CDC42BPB: variants seen among roughly 807,000 people sequenced by gnomAD.
CDC42BPB encodes the protein CDC42 binding protein kinase beta.
CDC42BPB carries 37 observed loss-of-function variants against 214.9 expected under a neutral mutation model. The observed-to-expected ratio is 0.17, with a 90% CI of 0.13 to 0.23. The LOEUF (loss-of-function observed/expected upper bound fraction) is 0.23. Among genes scored for constraint, CDC42BPB ranks in the 10% least tolerant of loss-of-function variants. The probability of loss-of-function intolerance (pLI) is 1.00; values close to 1 mark genes in which losing one functional copy is unlikely to be tolerated. For synonymous variants in CDC42BPB, 931 were observed against 884.0 expected (o/e 1.05, Z -0.94); for missense variants, 1,694 against 2,227.0 (o/e 0.76, Z 4.82).
intron 7 of CDC42BPB, among the ~76,000 whole-genome samples, chr14:102,981,685 G>A (rs932283553): frequency 1.3e-5 from 2 of 152,164 alleles, no homozygotes; most frequent in African/African-American, 2.4e-5. Context: ...GCTGAGGCAC[G>A]AGAATCGCTT....
At chr14:103,034,280 C>T (rs993705620) in intron 1 of CDC42BPB, among the ~76,000 whole-genome samples, 2 of 152,102 alleles carry the variant, frequency 1.3e-5, no homozygotes, top group Non-Finnish European at 2.9e-5. Flanking sequence ...TTTTGGGAGG[C>T]CAAGGTGAGA....
At chr14:103,030,299 C>T (rs1887294686) in intron 1 of CDC42BPB, among the ~76,000 whole-genome samples, 2 of 152,214 alleles carry the variant, frequency 1.3e-5, no homozygotes, top group Admixed American at 6.5e-5. Context: ...TTAGAAGAAT[C>T]TGGTTCTTTT....
intron 23 of CDC42BPB, 110 bp from the exon 24 acceptor site, chr14:102,952,713 G>A: frequency 2.0e-6 from 3 of 1,489,600 alleles, no homozygotes; most frequent in East Asian, 2.5e-5. Context: ...CTGAAAAGGT[G>A]GAAATGTGCA....
intron 5 of CDC42BPB, among the ~76,000 whole-genome samples, chr14:102,991,339 G>A (rs1894479623): frequency 6.6e-6 from 1 of 152,198 alleles, no homozygotes; most frequent in Non-Finnish European, 1.5e-5. Context: ...GAAAAAGCAA[G>A]GGACACTGTA....
At chr14:103,021,171 G>A (rs1194924140) in intron 1 of CDC42BPB, among the ~76,000 whole-genome samples, 2 of 152,188 alleles carry the variant, frequency 1.3e-5, no homozygotes, top group African/African-American at 2.4e-5. Flanking sequence ...TTAAGAACAC[G>A]TGGATGTGGC....
chr14:103,038,992 T>C (rs1294788454), intron 1 of CDC42BPB, among the ~76,000 whole-genome samples: 1 of 152,198 alleles, frequency 6.6e-6, no homozygotes, highest in African/African-American at 2.4e-5. Context: ...AGAAAAACTA[T>C]GAACAACTGT....
Position 102,974,028 on chromosome 14 carries a change from C to T in CDC42BPB, c.1629G>A (p.Glu543=). 2 of 1,609,726 alleles carry T rather than the reference C, an allele frequency of 1.2e-6. No individual in the cohort carries two copies. Among genetic ancestry groups the T allele is most frequent in the Non-Finnish European group, 1.7e-6 (2 of 1,178,438 alleles). The change falls in exon 12 of 37, where the codon GAG becomes GAA. Residue 543 remains glutamate, a synonymous_variant. Coordinates refer to ENST00000361246, the MANE Select transcript of CDC42BPB (RefSeq NM_006035.4). ...CTGAGCCACCTACCTTGTGCAGCTC[C>T]TCCTTCTCCTGCCGGACCACGCGGT... ...KQHRVVRQEK[E]ELHKQLVEAS... is the part of the protein sequence containing the mutation.
chr14:102,991,213 A>G (rs951734118), intron 5 of CDC42BPB, among the ~76,000 whole-genome samples: 1 of 152,234 alleles, frequency 6.6e-6, no homozygotes, highest in Non-Finnish European at 1.5e-5. Context: ...CACCTGTGGA[A>G]ATGACACCCT....
In CDC42BPB at chr14:102,998,635, C is replaced by G. The variant is rs372809795; in HGVS notation, c.596+930G>C. Among the ~76,000 whole-genome samples the G allele has an allele frequency of 4.2e-4, 64 of 152,294 alleles. 1 individual carries two copies. In the East Asian group the frequency reaches 0.01, roughly 24 times the overall value. ...TCCCAGCCGAGAAGGCAGAGGGGGCCCCTGAGAGCAGGAGACGGAGCTGCT... is the reference window on the plus strand; with the variant it reads ...TCCCAGCCGAGAAGGCAGAGGGGGCGCCTGAGAGCAGGAGACGGAGCTGCT... On this transcript the variant is annotated intron_variant, in intron 5 of 36. Transcript: ENST00000361246.
Position 102,979,052 on chromosome 14 carries a change from T to C in CDC42BPB, c.1141-847A>G, listed in dbSNP as rs547642325. Among the ~76,000 whole-genome samples, 4 of 152,290 alleles carry C rather than the reference T, an allele frequency of 2.6e-5. No homozygotes were observed. In the South Asian group the frequency reaches 6.2e-4, roughly 24 times the overall value. ...AAGTTCTTTATCTGGGAAATTTCAG[T>C]GTGGAAGGAGTTGGAGTCTGGAGTC... On this transcript the variant is annotated intron_variant, in intron 8 of 36. Transcript: ENST00000361246.
intron 5 of CDC42BPB, among the ~76,000 whole-genome samples, chr14:102,995,340 A>G (rs1894679760): frequency 6.6e-6 from 1 of 152,062 alleles, no homozygotes; most frequent in African/African-American, 2.4e-5. Flanking sequence ...AAGCCTGGCT[A>G]ATTTTTTGTA....
intron 25 of CDC42BPB, 109 bp downstream of exon 25, chr14:102,950,357 A>G: frequency 7.0e-7 from 1 of 1,419,174 alleles, no homozygotes; most frequent in Admixed American, 1.8e-5. Context: ...GACTGGCACC[A>G]GGGCCACCTG....
At chr14:103,030,020 C>T (rs1052880361) in intron 1 of CDC42BPB, among the ~76,000 whole-genome samples, 23 of 152,226 alleles carry the variant, frequency 1.5e-4, no homozygotes, top group East Asian at 3.8e-4. Flanking sequence ...AACTCCAACC[C>T]TCCCAGTGCC....
At chr14:103,017,671 C>CCA (rs1240294632) in intron 1 of CDC42BPB, among the ~76,000 whole-genome samples, 1 of 152,082 alleles carries the variant, frequency 6.6e-6, no homozygotes, top group Admixed American at 6.6e-5. Context: ...AGAACAGTCT[C>CCA]CAAACTGTCA....
intron 24 of CDC42BPB, among the ~76,000 whole-genome samples, chr14:102,951,652 G>C (rs1045481016): frequency 4.6e-5 from 7 of 152,144 alleles, no homozygotes; most frequent in African/African-American, 1.7e-4. Context: ...AGCCAGGCAT[G>C]GTGGCGTGGG....
rs34939968 is a variant in CDC42BPB, at chr14:103,026,800, G to A, written c.176-14612C>T. Among the ~76,000 whole-genome samples the A allele has an allele frequency of 5.3e-5, 8 of 151,736 alleles. 1 individual carries two copies. The East Asian group carries it at 7.8e-4, about 15-fold the overall frequency. ...GGAGAATGGCGTGAACCCGGGAGGC[G>A]GAGCTTGCAGTGAGCTGAGATCGCG... On this transcript the variant is annotated intron_variant, in intron 1 of 36. Coordinates refer to ENST00000361246, the MANE Select transcript of CDC42BPB (RefSeq NM_006035.4).
chr14:102,940,761 A>G (rs1595446296), intron 30 of CDC42BPB: 1 of 230,628 alleles, frequency 4.3e-6, no homozygotes, highest in South Asian at 6.4e-5. Context: ...GGTATTAAAA[A>G]CCACACAGAA....
At chr14:103,035,737 G>GTCCT (rs1182214987) in intron 1 of CDC42BPB, among the ~76,000 whole-genome samples, 1 of 152,132 alleles carries the variant, frequency 6.6e-6, no homozygotes, top group African/African-American at 2.4e-5. Context: ...CTGCTCAGGA[G>GTCCT]GCTGAGGCAG....
chr14:103,017,414 G>C (rs994957118), intron 1 of CDC42BPB, among the ~76,000 whole-genome samples: 1 of 152,090 alleles, frequency 6.6e-6, no homozygotes, highest in Non-Finnish European at 1.5e-5. Flanking sequence ...TATTTATATA[G>C]TTTCAAAGTA....
Sources: gnomAD v4.1 joint callset for allele counts (sites outside exome capture counted in the v4.1 genomes callset) on GRCh38, gnomAD v4.1.1 for gene constraint, MANE v1.5 for transcripts, NCBI Gene and HGNC (gene_info 2026-07-23, HGNC 2026-07-21) for gene names.